The following HS6ST2 variants were observed in gnomAD, a reference collection of about 807,000 sequenced individuals.
HS6ST2 encodes heparan-sulfate 6-O-sulfotransferase 2.
A neutral mutation model predicts 33.0 loss-of-function variants in HS6ST2; 17 were observed. The ratio of observed to expected loss-of-function variants is 0.52; its 90% CI spans 0.35 to 0.77. The LOEUF is 0.77. Ranked by LOEUF, HS6ST2 falls within the 30% of genes least tolerant of loss-of-function variation. HS6ST2 has a pLI of 0.01. For missense variants in HS6ST2, 519 were observed against 551.7 expected (o/e 0.94, Z 0.59); for synonymous variants, 248 against 237.1 (o/e 1.05, Z -0.42).
intron 2 of HS6ST2, among the ~76,000 whole-genome samples, chrX:132,942,593 T>G (rs749712603): frequency 4.5e-5 from 5 of 112,123 alleles, no homozygotes; most frequent in Non-Finnish European, 7.5e-5. Flanking sequence ...AAAATAAGAA[T>G]AGCCTTCAGG....
chrX:132,818,725 T>C (rs1207263134), intron 2 of HS6ST2, among the ~76,000 whole-genome samples: 1 of 112,328 alleles, frequency 8.9e-6, no homozygotes, highest in Non-Finnish European at 1.9e-5. Context: ...TTCTGTATTA[T>C]CAGAGCTAAT....
At chrX:132,957,457 C>T in intron 1 of HS6ST2, 131 bp from the exon 2 acceptor site, 3 of 703,736 alleles carry the variant, frequency 4.3e-6, no homozygotes, top group Non-Finnish European at 6.1e-6. Flanking sequence ...GAGTACTCCA[C>T]GGCGGCGGCG....
At chrX:132,753,356 T>C (rs1229939627) in intron 2 of HS6ST2, among the ~76,000 whole-genome samples, 1 of 111,989 alleles carries the variant, frequency 8.9e-6, no homozygotes, top group Non-Finnish European at 1.9e-5. Context: ...TGATAGGGTT[T>C]GGCTGTGTCC....
Position 132,933,059 on chromosome X carries a change from G to T in HS6ST2, c.947+23749C>A, listed in dbSNP as rs1266859648. Among the ~76,000 whole-genome samples, 9 of 109,824 alleles carry T rather than the reference G, an allele frequency of 8.2e-5. No homozygotes were observed. The Admixed American group carries it at 8.8e-4, about 11-fold the overall frequency. On this transcript the variant is annotated intron_variant, in intron 2 of 4. Coordinates refer to ENST00000370833, the MANE Select transcript of HS6ST2 (RefSeq NM_001394073.1). ...TTTACTGCAAGGGCTGGGTGCAGTG[G>T]CTCACACCTGTAATCCCAGTACTTT...
At chrX:132,876,581 T>C (rs1327929413) in intron 2 of HS6ST2, among the ~76,000 whole-genome samples, 1 of 110,956 alleles carries the variant, frequency 9.0e-6, no homozygotes, top group Non-Finnish European at 1.9e-5. Context: ...CTGGGAAGTA[T>C]GTGTGGGTGG....
At chrX:132,683,697 C>G (rs190253449) in intron 3 of HS6ST2, among the ~76,000 whole-genome samples, 156 of 111,274 alleles carry the variant, frequency 1.4e-3, no homozygotes, top group Middle Eastern at 4.7e-3. Flanking sequence ...TCATGACTAA[C>G]ATAGGAAAAA....
chrX:132,953,191 G>A (rs1180028380), intron 2 of HS6ST2, among the ~76,000 whole-genome samples: 1 of 111,882 alleles, frequency 8.9e-6, no homozygotes, highest in Non-Finnish European at 1.9e-5. Flanking sequence ...CAGCTTGTGA[G>A]CAACAATGTT....
intron 2 of HS6ST2, among the ~76,000 whole-genome samples, chrX:132,819,780 C>A (rs1365483603): frequency 1.8e-5 from 2 of 112,193 alleles, no homozygotes; most frequent in African/African-American, 6.5e-5. Flanking sequence ...AGAGCCCTCT[C>A]AAGCACTTTG....
chrX:132,860,852 A>G (rs937367056), intron 2 of HS6ST2, among the ~76,000 whole-genome samples: 23 of 94,629 alleles, frequency 2.4e-4, no homozygotes, highest in African/African-American at 9.6e-4. Flanking sequence ...CAGTGGTGCA[A>G]TCTCGGCTCA....
At position 132,626,920 on chromosome X, in the gene HS6ST2, C is replaced by T. The variant is rs1347798410; in HGVS notation, c.*1303G>A. On this transcript the variant is annotated 3_prime_UTR_variant, in exon 5 of 5. Transcript: ENST00000370833. ...ATGTTCCTGATATGTAACCTCACTA[C>T]AGAACACTTTTTACTTTTGCTCTTT... The T allele has an allele frequency of 2.7e-5, 3 of 112,362 alleles. No individual in the cohort carries two copies. The highest frequency in any genetic ancestry group is 9.7e-5 in the African/African-American group (3 of 30,956). 9.3% of individuals were successfully genotyped at this position (112,362 alleles called of 1,213,427 possible).
chrX:132,678,269 T>G (rs1222874097), intron 3 of HS6ST2, among the ~76,000 whole-genome samples: 1 of 111,765 alleles, frequency 8.9e-6, no homozygotes, highest in African/African-American at 3.3e-5. Flanking sequence ...GTTGGGAAAA[T>G]GGCTGGAGCC....
chrX:132,737,578 C>T (rs768109221), intron 2 of HS6ST2, among the ~76,000 whole-genome samples: 4 of 111,966 alleles, frequency 3.6e-5, no homozygotes, highest in Non-Finnish European at 7.5e-5. Context: ...CCCCTGCAAG[C>T]CCATCTGCCA....
At chrX:132,848,830 A>G (rs1205802157) in intron 2 of HS6ST2, among the ~76,000 whole-genome samples, 1 of 111,904 alleles carries the variant, frequency 8.9e-6, no homozygotes, top group South Asian at 3.8e-4. Context: ...GCAAATTGCT[A>G]AAAGGGCCAT....
chrX:132,666,071 C>T (rs1252925490), intron 4 of HS6ST2, among the ~76,000 whole-genome samples: 2 of 112,135 alleles, frequency 1.8e-5, no homozygotes, highest in Admixed American at 9.5e-5. Flanking sequence ...TTGACCTAAT[C>T]CACAACTCCA....
chrX:132,776,736 A>C (rs1178049520), intron 2 of HS6ST2, among the ~76,000 whole-genome samples: 1 of 109,653 alleles, frequency 9.1e-6, no homozygotes, highest in Non-Finnish European at 1.9e-5. Flanking sequence ...CCATTCACTC[A>C]AGCCAGTCAG....
chrX:132,639,683 T>C (rs1341723436), intron 4 of HS6ST2, among the ~76,000 whole-genome samples: 1 of 111,968 alleles, frequency 8.9e-6, no homozygotes, highest in Non-Finnish European at 1.9e-5. Context: ...CCTTGAGGAT[T>C]GGCATCTGGA....
intron 2 of HS6ST2, among the ~76,000 whole-genome samples, chrX:132,950,450 G>A (rs1366111939): frequency 8.9e-6 from 1 of 112,271 alleles, no homozygotes; most frequent in Non-Finnish European, 1.9e-5. Context: ...CATTCCCACT[G>A]ACAATGTATG....
intron 4 of HS6ST2, among the ~76,000 whole-genome samples, chrX:132,650,624 C>G (rs913676425): frequency 9.1e-6 from 1 of 110,417 alleles, no homozygotes; most frequent in Non-Finnish European, 1.9e-5. Flanking sequence ...GCCTCTTTTT[C>G]TTTCCTTAAA....
intron 2 of HS6ST2, among the ~76,000 whole-genome samples, chrX:132,782,515 T>G (rs139412142): frequency 0.011 from 1,208 of 110,809 alleles, 12 homozygotes; most frequent in Non-Finnish European, 0.015. Flanking sequence ...GATGAGTGGG[T>G]GAGGGAAAAG....
Sources: allele counts gnomAD v4.1 joint callset (sites outside exome capture counted in the v4.1 genomes callset), GRCh38; gene constraint gnomAD v4.1.1; transcripts MANE v1.5; gene names NCBI Gene and HGNC (gene_info 2026-07-23, HGNC 2026-07-21).